The following MYO7B variants were observed in gnomAD, a reference collection of about 807,000 sequenced individuals.
The protein encoded by MYO7B is unconventional myosin-VIIb.
Under a neutral mutation model 259.7 loss-of-function variants are expected in MYO7B, and 212 were observed. The observed-to-expected ratio is 0.82, with a 90% CI of 0.73 to 0.91. MYO7B has a LOEUF of 0.91. MYO7B is among the 40% of genes least tolerant of loss of function. MYO7B has a pLI of 0.00. For missense variants in MYO7B, 2,732 were observed against 2,813.5 expected (o/e 0.97, Z 0.66); for synonymous variants, 1,197 against 1,166.4 (o/e 1.03, Z -0.54).
intron 11 of MYO7B, 72 bp downstream of exon 11, chr2:127,582,082 G>C: frequency 6.2e-7 from 1 of 1,604,158 alleles, no homozygotes; most frequent in Non-Finnish European, 8.5e-7. Flanking sequence ...TGTGCCGGTG[G>C]AGGGCAGGAT....
intron 34 of MYO7B, among the ~76,000 whole-genome samples, chr2:127,629,139 C>A (rs1681323839): frequency 6.6e-6 from 1 of 152,160 alleles, no homozygotes; most frequent in African/African-American, 2.4e-5. Flanking sequence ...GAAGGGGGTG[C>A]TGGTTGGGAT....
At position 127,614,541 on chromosome 2, in the gene MYO7B, T is replaced by A. The variant is rs533102236; in HGVS notation, c.3398+1938T>A. On this transcript the variant is annotated intron_variant, in intron 26 of 47. Coordinates refer to ENST00000409816, the MANE Select transcript of MYO7B (RefSeq NM_001393586.1). The surrounding 1 kb of genome is among the most constrained non-coding windows in gnomAD (Gnocchi z 4.6). ...TTCATGGAGGTCCCTAACTCCAGAG[T>A]ACAAAAGTCAAGCACTAGCAAGAAC... is the stretch of plus-strand genomic sequence containing the variant. 6.6e-6 allele frequency among the ~76,000 whole-genome samples: 1 copy of A among 152,058 alleles called. No homozygotes were observed. Among genetic ancestry groups the A allele is most frequent in the South Asian group, 2.1e-4 (1 of 4,802 alleles).
intron 1 of MYO7B, among the ~76,000 whole-genome samples, chr2:127,552,225 G>A (rs949203203): frequency 6.6e-6 from 1 of 152,172 alleles, no homozygotes; most frequent in African/African-American, 2.4e-5. Context: ...TACAGTGAGG[G>A]TGTTTCAATA....
At chr2:127,588,247 G>A (rs1679378127) in intron 14 of MYO7B, 145 bp from the exon 15 acceptor site, 1 of 877,940 alleles carries the variant, frequency 1.1e-6, no homozygotes, top group South Asian at 1.7e-5. Context: ...CCTGGGTAGA[G>A]GGGTGGAGAG....
chr2:127,622,917 T>G (rs1233645059), intron 28 of MYO7B, among the ~76,000 whole-genome samples: 1 of 152,258 alleles, frequency 6.6e-6, no homozygotes, highest in Non-Finnish European at 1.5e-5. Flanking sequence ...GCAGCCACTA[T>G]GGCCTCAGGC....
chr2:127,560,492 C>T (rs1004711293), intron 2 of MYO7B, among the ~76,000 whole-genome samples: 1 of 152,176 alleles, frequency 6.6e-6, no homozygotes, highest in African/African-American at 2.4e-5. Context: ...GTTCCGGTGG[C>T]CAAGAGATGG....
At position 127,636,006 on chromosome 2, in the gene MYO7B, G is replaced by A. The variant is rs1681781645; in HGVS notation, c.6006+99G>A. On this transcript the variant is annotated intron_variant, in intron 44 of 47. Coordinates refer to ENST00000409816, the MANE Select transcript of MYO7B (RefSeq NM_001393586.1). This position sits in a 1 kb window ranked among gnomAD's most constrained non-coding sequence, Gnocchi z 4.5. ...GCCTGGGCTCCAAGATCACATGGGT[G>A]CACATGGGTGGTGTGGAGGGTGGGC... 1 of 1,414,880 alleles carries A rather than the reference G, an allele frequency of 7.1e-7. No individual in the cohort carries two copies. Among genetic ancestry groups the A allele is most frequent in the Non-Finnish European group, 9.6e-7 (1 of 1,046,734 alleles). The allele number at this position is 1,414,880 out of a possible 1,614,324, so 87.6% of individuals were successfully genotyped here. A position where few individuals can be genotyped will look rare whatever the true frequency, so the allele number is the denominator to read the frequency against.
chr2:127,584,427 TGA>T lies in MYO7B; in HGVS notation c.1554+99_1554+100del, dbSNP rs1301033191. On this transcript the variant is annotated intron_variant, in intron 13 of 47. Transcript: ENST00000409816. The surrounding 1 kb of genome is among the most constrained non-coding windows in gnomAD (Gnocchi z 5.8). ...CTCCATTTGGGTGGGCCACTTGTTC[TGA>T]GAGTCACTAAAACCTCTGCCAGGAA... 6 of 1,321,314 alleles carry T rather than the reference TGA, an allele frequency of 4.5e-6. No homozygotes were observed. In the African/African-American group the frequency reaches 7.3e-5, roughly 16 times the overall value. The allele number at this position is 1,321,314 out of a possible 1,614,324, so 81.8% of individuals were successfully genotyped here.
At chr2:127,595,442 G>A (rs890801918) in intron 18 of MYO7B, among the ~76,000 whole-genome samples, 1 of 151,938 alleles carries the variant, frequency 6.6e-6, no homozygotes, top group Non-Finnish European at 1.5e-5. Context: ...TTGATTTTTT[G>A]AAGAGTTTTT....
chr2:127,569,880 C>A lies in MYO7B; in HGVS notation c.562C>A (p.Gln188Lys), dbSNP rs770085564. 8 of 1,613,194 alleles carry A rather than the reference C, an allele frequency of 5.0e-6. No individual in the cohort carries two copies. Among genetic ancestry groups the A allele is most frequent in the Non-Finnish European group, 6.8e-6 (8 of 1,179,490 alleles). The change falls in exon 6 of 48, where the codon CAG becomes AAG. Residue 188 changes from glutamine to lysine, a missense_variant. Gln to Lys is a moderately conservative substitution (Grantham distance 53, BLOSUM62 1). Transcript: ENST00000409816. ...TGGCCAGCATTCGTGGATTGAGCAG[C>A]AGGTCCTGGAAGCCAACCCCATCCT... ...ISGQHSWIEQ[Q>K]VLEANPILEA... is the part of the protein sequence containing the mutation.
chr2:127,636,804 C>T lies in MYO7B; in HGVS notation c.6218C>T (p.Thr2073Ile), dbSNP rs755212569. 1.2e-6 allele frequency: 2 copies of T among 1,612,856 alleles called. No homozygotes were observed. Among genetic ancestry groups the T allele is most frequent in the Non-Finnish European group, 1.7e-6 (2 of 1,179,342 alleles). The part of the protein sequence containing the change: ...LIHPKTKDLL[T>I]TYPFTKISSW... Reference sequence around the variant, plus strand: ...CCTCTCTGCCCCCAGGACCTGCTCACCACCTATCCCTTCACCAAGATCTCC... The same window carrying T: ...CCTCTCTGCCCCCAGGACCTGCTCATCACCTATCCCTTCACCAAGATCTCC... Residue 2073 changes from threonine to isoleucine, a missense_variant, in exon 47 of 48, where the codon ACC becomes ATC. By Grantham distance (89) the Thr-to-Ile change is moderately conservative (BLOSUM62 -1). Coordinates refer to ENST00000409816, the MANE Select transcript of MYO7B (RefSeq NM_001393586.1). The surrounding 1 kb of genome is among the most constrained non-coding windows in gnomAD (Gnocchi z 4.5).
chr2:127,578,273 T>C lies in MYO7B; in HGVS notation c.990T>C (p.Asn330=), dbSNP rs769535296. 6.2e-7 allele frequency: 1 copy of C among 1,613,048 alleles called. No individual in the cohort carries two copies. Residue 330 remains asparagine, a synonymous_variant, in exon 9 of 48, where the codon AAT becomes AAC. Coordinates refer to ENST00000409816, the MANE Select transcript of MYO7B (RefSeq NM_001393586.1). ...KLLAAILHLG[N]VGFMASVFEN... ...TGGCTGCCATTCTCCACCTGGGGAA[T>C]GTGGGGTTCATGGGTAATGCCGGTT... is the stretch of plus-strand genomic sequence containing the variant.
intron 28 of MYO7B, 48 bp from the exon 29 acceptor site, chr2:127,623,154 G>A (rs1241395910): frequency 1.2e-6 from 2 of 1,606,076 alleles, no homozygotes; most frequent in Non-Finnish European, 8.5e-7. Context: ...TTGGCCTCCT[G>A]TCCATAGGTT....
chr2:127,630,564 C>G (rs1681419923), intron 35 of MYO7B, among the ~76,000 whole-genome samples: 1 of 152,152 alleles, frequency 6.6e-6, no homozygotes, highest in African/African-American at 2.4e-5. Context: ...GCCATTGGCA[C>G]TCACCCTCCC....
intron 10 of MYO7B, 107 bp from the exon 11 acceptor site, chr2:127,581,784 C>T: frequency 4.7e-6 from 7 of 1,497,080 alleles, no homozygotes; most frequent in Non-Finnish European, 6.3e-6. Context: ...CTCCGGTGGG[C>T]ATAGGTGCTT....
Position 127,630,886 on chromosome 2 carries a change from G to T in MYO7B, c.4915G>T (p.Glu1639Ter), listed in dbSNP as rs759473647. ...PPKEKLHTLEEFSYEFFRAPE... is the reference protein window; with the variant it reads ...PPKEKLHTLE ...CAAGGAAAAGCTGCACACCCTGGAG[G>T]AGTTCTCCTATGAGTTCTTCAGGTG... Residue 1639 changes from glutamate to a stop codon, truncating the protein, a stop_gained, in exon 36 of 48, where the codon GAG becomes TAG. Transcript: ENST00000409816. LOFTEE classifies it high-confidence loss of function. 6.3e-7 allele frequency: 1 copy of T among 1,596,172 alleles called. No individual in the cohort carries two copies. The highest frequency in any genetic ancestry group is 1.3e-5 in the African/African-American group (1 of 74,634).
Position 127,636,669 on chromosome 2 carries a change from CCAGGGACCTGTG to C in MYO7B, c.6207+46_6207+57del, listed in dbSNP as rs199624518. 0.015 allele frequency: 24,635 copies of C among 1,607,866 alleles called. 243 individuals are homozygous for C. The highest frequency in any genetic ancestry group is 0.018 in the Non-Finnish European group (21,294 of 1,177,146). ...CCGGAGGGGCTGGGGGCCACCAGGT[CCAGGGACCTGTG>C]CAGGTGGGGCTGCAGTCATCTCTGC... On this transcript the variant is annotated intron_variant, in intron 46 of 47. Transcript: ENST00000409816. This position sits in a 1 kb window ranked among gnomAD's most constrained non-coding sequence, Gnocchi z 4.5.
intron 1 of MYO7B, among the ~76,000 whole-genome samples, chr2:127,557,686 C>T (rs571755869): frequency 1.6e-4 from 24 of 152,098 alleles, no homozygotes; most frequent in Non-Finnish European, 3.5e-4. Flanking sequence ...CAGTAATAAA[C>T]CCAATTGCTT....
At chr2:127,624,447 G>A (rs1023199985) in intron 30 of MYO7B, 127 bp downstream of exon 30, 38 of 822,752 alleles carry the variant, frequency 4.6e-5, no homozygotes, top group Non-Finnish European at 6.7e-5. Flanking sequence ...TCACAAGGGT[G>A]TAGGTCCCTT....
Sources: allele counts gnomAD v4.1 joint callset (sites outside exome capture counted in the v4.1 genomes callset), GRCh38; gene constraint gnomAD v4.1.1; non-coding constraint Gnocchi (gnomAD v3.1); transcripts MANE v1.5; gene names NCBI Gene and HGNC (gene_info 2026-07-23, HGNC 2026-07-21).